GNE: variants seen among roughly 807,000 people sequenced by gnomAD.
GNE encodes bifunctional UDP-N-acetylglucosamine 2-epimerase/N-acetylmannosamine kinase.
A neutral mutation model predicts 61.8 loss-of-function variants in GNE; 41 were observed. The ratio of observed to expected loss-of-function variants is 0.66; its 90% confidence interval spans 0.52 to 0.86. GNE has a LOEUF of 0.86. Among genes scored for constraint, GNE ranks in the 40% least tolerant of loss-of-function variants. The pLI, the probability that GNE is intolerant of heterozygous loss-of-function variation, is 0.00. For missense variants in GNE, 608 were observed against 909.1 expected, an observed-to-expected ratio of 0.67 and a Z score of 4.26; for synonymous variants, 264 against 326.4, an observed-to-expected ratio of 0.81 and a Z score of 2.06.
In GNE at chr9:36,253,862, A is replaced by AC. The variant is rs1193739777; in HGVS notation, c.-43+4458dup. 1.5e-4 allele frequency among the ~76,000 whole-genome samples: 22 copies of AC among 150,338 alleles called. No individual in the cohort carries two copies. In the East Asian group the frequency reaches 2.7e-3, roughly 18 times the overall value. ...AGACCAGCCTGGCCAACATGGTGAA[A>AC]CCCCATCTCTACTAAAAATACAAAA... On this transcript the variant is annotated intron_variant, in intron 1 of 11. Coordinates refer to ENST00000642385, the MANE Select transcript of GNE (RefSeq NM_005476.7).
At chr9:36,274,813 C>T (rs1277274005) in intron 1 of GNE, among the ~76,000 whole-genome samples, 2 of 139,712 alleles carry the variant, frequency 1.4e-5, no homozygotes, top group Non-Finnish European at 3.1e-5. Flanking sequence ...AGCTCCGCCT[C>T]CCGGGTTCAC....
In GNE at chr9:36,244,855, G is replaced by A. The variant is rs1356867100; in HGVS notation, c.616+1176C>T. 4.0e-5 allele frequency among the ~76,000 whole-genome samples: 6 copies of A among 150,996 alleles called. No homozygotes were observed. In the South Asian group the frequency reaches 1.3e-3, roughly 32 times the overall value. ...CTCAGGAGGCTGAGGCAGGAGAATCGCTTGAACCCGGGAAGTGGAGGTTGC... is the reference window on the plus strand; with the variant it reads ...CTCAGGAGGCTGAGGCAGGAGAATCACTTGAACCCGGGAAGTGGAGGTTGC... On this transcript the variant is annotated intron_variant, in intron 3 of 11. Transcript: ENST00000642385.
intron 1 of GNE, among the ~76,000 whole-genome samples, chr9:36,252,274 C>T (rs1422253286): frequency 2.0e-5 from 3 of 152,184 alleles, no homozygotes; most frequent in East Asian, 1.9e-4. Flanking sequence ...CATGAGCCAC[C>T]GCACGTGGCC....
intron 5 of GNE, among the ~76,000 whole-genome samples, chr9:36,231,081 A>AAAAAAAAAG (rs1554660476): frequency 1.4e-5 from 2 of 140,870 alleles, no homozygotes; most frequent in African/African-American, 5.4e-5. Flanking sequence ...AAAAAAAAAA[A>AAAAAAAAAG]AAAGAAAGAA....
Position 36,234,131 on chromosome 9 carries a change from C to G in GNE, c.771G>C (p.Gly257=), listed in dbSNP as rs760271835. The stretch of plus-strand genomic sequence containing the variant: ...GCATCACTCGAACCATCTCTTTGCT[C>G]CCTATGAAAATGAAAAGAACCAATT... ...TLVLFPNIDA[G]SKEMVRVMRK... is the part of the protein sequence containing the mutation. Residue 257 remains glycine, a splice_region_variant and synonymous_variant, in exon 5 of 12, where the codon GGG becomes GGC. Coordinates refer to ENST00000642385, the MANE Select transcript of GNE (RefSeq NM_005476.7). 2 of 1,612,156 alleles carry G rather than the reference C, an allele frequency of 1.2e-6. No homozygotes were observed. The highest frequency in any genetic ancestry group is 1.7e-6 in the Non-Finnish European group (2 of 1,178,242).
intron 9 of GNE, among the ~76,000 whole-genome samples, chr9:36,220,727 T>C (rs528296638): frequency 2.0e-5 from 3 of 152,342 alleles, no homozygotes; most frequent in East Asian, 1.9e-4. Context: ...GCAGAAAATA[T>C]GAAATAATGA....
Position 36,242,625 on chromosome 9 carries a change from G to A in GNE, c.616+3406C>T, listed in dbSNP as rs541056997. On this transcript the variant is annotated intron_variant, in intron 3 of 11. Transcript: ENST00000642385. ...AGTAGAGATGGGGTTTCACCATGTT[G>A]GCCAGGATGGTCTCAATCTCTTGAC... 7.9e-5 allele frequency among the ~76,000 whole-genome samples: 12 copies of A among 152,022 alleles called. No homozygotes were observed. The South Asian group carries it at 2.3e-3, about 29-fold the overall frequency.
intron 1 of GNE, among the ~76,000 whole-genome samples, chr9:36,256,819 T>C (rs1312695195): frequency 6.6e-6 from 1 of 152,212 alleles, no homozygotes; most frequent in Non-Finnish European, 1.5e-5. Context: ...TCACATGTAT[T>C]AACTCATTTC....
At chr9:36,234,561 C>T (rs1057452731) in intron 4 of GNE, among the ~76,000 whole-genome samples, 5 of 152,076 alleles carry the variant, frequency 3.3e-5, no homozygotes, top group Non-Finnish European at 7.3e-5. Context: ...AACAAGAACT[C>T]GGTGGGATAG....
At chr9:36,251,985 T>TA (rs1830121701) in intron 1 of GNE, among the ~76,000 whole-genome samples, 2 of 79,418 alleles carry the variant, frequency 2.5e-5, no homozygotes, top group South Asian at 3.7e-4. Context: ...CACTATCTGA[T>TA]CTTTTTTTTT....
At chr9:36,227,578 A>C (rs1306704438) in intron 6 of GNE, 120 bp from the exon 7 acceptor site, 5 of 732,568 alleles carry the variant, frequency 6.8e-6, no homozygotes, top group African/African-American at 1.7e-5. Flanking sequence ...CTTCTTCCTA[A>C]AGTGACATCT....
intron 1 of GNE, among the ~76,000 whole-genome samples, chr9:36,272,139 A>G (rs1831051666): frequency 6.6e-6 from 1 of 152,188 alleles, no homozygotes; most frequent in Non-Finnish European, 1.5e-5. Context: ...ACAAGGTGGG[A>G]AATTTGGCGG....
chr9:36,216,852 C>CG lies in GNE; in HGVS notation c.*512dup, dbSNP rs892785293. The CG allele has an allele frequency of 3.5e-5, 6 of 173,420 alleles. No homozygotes were observed. Among genetic ancestry groups the CG allele is most frequent in the African/African-American group, 1.2e-4 (5 of 41,248 alleles). The allele number at this position is 173,420 out of a possible 1,614,324, so 10.7% of individuals were successfully genotyped here. On this transcript the variant is annotated 3_prime_UTR_variant, in exon 12 of 12. Transcript: ENST00000642385. ...TAATTTTTTGTATTTTTAGTAGAGA[C>CG]GGGGTTTCACCATGTTTCACCATGT...
In GNE at chr9:36,233,666, CA is replaced by C. The variant is rs34150061; in HGVS notation, c.982+253del. On this transcript the variant is annotated intron_variant, in intron 5 of 11. Coordinates refer to ENST00000642385, the MANE Select transcript of GNE (RefSeq NM_005476.7). ...TGGGCGACAGAGCGAGACTCCATCT[CA>C]AAAAAAAAAAAAGAAAGAACCACTT... 0.78 allele frequency among the ~76,000 whole-genome samples: 113,404 copies of C among 145,508 alleles called. 43,949 individuals are homozygous for C. Among genetic ancestry groups the C allele is most frequent in the African/African-American group, 0.82 (32,536 of 39,624 alleles).
intron 2 of GNE, 52 bp from the exon 3 acceptor site, chr9:36,246,534 C>A (rs751747774): frequency 7.6e-7 from 1 of 1,314,996 alleles, no homozygotes; most frequent in South Asian, 1.2e-5. Context: ...AACACAGAGC[C>A]GTAACATGCA....
At chr9:36,261,848 G>A (rs10972813), upstream of GNE, among the ~76,000 whole-genome samples, 20,140 of 149,762 alleles carry the variant, frequency 0.13, 2,130 homozygotes, top group African/African-American at 0.28. Flanking sequence ...GCGTGAACCC[G>A]GGAGGCGGAG....
At chr9:36,262,990 AC>A (rs1412156586), upstream of GNE, among the ~76,000 whole-genome samples, 1 of 152,118 alleles carries the variant, frequency 6.6e-6, no homozygotes, top group African/African-American at 2.4e-5. Flanking sequence ...TATACCCCCT[AC>A]TTTACAGACA....
Position 36,216,466 on chromosome 9 carries a change from G to T in GNE, c.*899C>A, listed in dbSNP as rs1225928553. On this transcript the variant is annotated 3_prime_UTR_variant, in exon 12 of 12. Transcript: ENST00000642385. Reference sequence around the variant, plus strand: ...TTCTCCTGCCTCAGCCTCCCGAGTAGCTGGGACTACAGGCACATGCCACCA... The same window carrying T: ...TTCTCCTGCCTCAGCCTCCCGAGTATCTGGGACTACAGGCACATGCCACCA... The T allele has an allele frequency of 3.6e-6, 1 of 275,652 alleles. No individual in the cohort carries two copies. The highest frequency in any genetic ancestry group is 4.1e-5 in the Admixed American group (1 of 24,208). 17.1% of individuals were successfully genotyped at this position (275,652 alleles called of 1,614,324 possible). A position where few individuals can be genotyped will look rare whatever the true frequency, so the allele number is the denominator to read the frequency against.
chr9:36,247,123 C>A (rs1829916106), intron 2 of GNE, among the ~76,000 whole-genome samples: 1 of 151,932 alleles, frequency 6.6e-6, no homozygotes, highest in South Asian at 2.1e-4. Flanking sequence ...GTGGTGCGAT[C>A]TTGACTCACT....
Sources: gnomAD v4.1 joint callset for allele counts (sites outside exome capture counted in the v4.1 genomes callset) on GRCh38, gnomAD v4.1.1 for gene constraint, MANE v1.5 for transcripts, NCBI Gene and HGNC (gene_info 2026-07-23, HGNC 2026-07-21) for gene names.